Variants in CLPB observed in about 807,000 individuals in gnomAD.
The protein encoded by CLPB is ClpB family mitochondrial disaggregase.
Under a neutral mutation model 78.4 loss-of-function variants are expected in CLPB, and 40 were observed. That is an observed-to-expected ratio of 0.51 (90% CI 0.40 to 0.66). The LOEUF is 0.66. Among genes scored for constraint, CLPB ranks in the 30% least tolerant of loss-of-function variants. The pLI is 0.00. For synonymous variants in CLPB, 333 were observed against 348.0 expected, an observed-to-expected ratio of 0.96 and a Z score of 0.48; for missense variants, 780 against 886.9, an observed-to-expected ratio of 0.88 and a Z score of 1.53.
chr11:72,356,591 G>C lies in CLPB; in HGVS notation c.775+2289C>G, dbSNP rs75625073. Among the ~76,000 whole-genome samples, 371 of 152,294 alleles carry C rather than the reference G, an allele frequency of 2.4e-3. 3 individuals carry two copies. The highest frequency in any genetic ancestry group is 8.7e-3 in the African/African-American group (363 of 41,550). Reference sequence around the variant, plus strand: ...TTTGGCCCTTGAGGCTGGGAGGCTAGGGCAAGGGGTGTAAATGTATGCTGG... The same window carrying C: ...TTTGGCCCTTGAGGCTGGGAGGCTACGGCAAGGGGTGTAAATGTATGCTGG... On this transcript the variant is annotated intron_variant, in intron 5 of 15. Transcript: ENST00000538039.
intron 5 of CLPB, among the ~76,000 whole-genome samples, chr11:72,348,395 C>T (rs1017666608): frequency 6.6e-6 from 1 of 152,148 alleles, no homozygotes; most frequent in African/African-American, 2.4e-5. Flanking sequence ...TCCTCCACAC[C>T]CATCTCCCTA....
At chr11:72,398,303 G>C (rs1022231204) in intron 3 of CLPB, among the ~76,000 whole-genome samples, 1 of 152,142 alleles carries the variant, frequency 6.6e-6, no homozygotes. Context: ...CTTCCCCAAG[G>C]GGGTCATGAC....
intron 6 of CLPB, among the ~76,000 whole-genome samples, chr11:72,328,099 C>T (rs1231935349): frequency 6.6e-6 from 1 of 152,144 alleles, no homozygotes; most frequent in Non-Finnish European, 1.5e-5. Flanking sequence ...GGGATTAGTT[C>T]TGGCCAATGA....
At position 72,434,133 on chromosome 11, in the gene CLPB, G is replaced by A; in HGVS notation, c.342C>T (p.Gly114=). The change falls in exon 1 of 16, where the codon GGC becomes GGT. Residue 114 remains glycine, a synonymous_variant. Transcript: ENST00000538039. Reference sequence around the variant, plus strand: ...CCAGCGCTGCGGCCAGGGCGCACATGCCCAGTCCGGCCCTGCTGGGGACCC... The same window carrying A: ...CCAGCGCTGCGGCCAGGGCGCACATACCCAGTCCGGCCCTGCTGGGGACCC... The part of the protein sequence containing the change: ...WNGVPSRAGL[G]MCALAAALVV... 6.2e-7 allele frequency: 1 copy of A among 1,612,348 alleles called. No homozygotes were observed. The highest frequency in any genetic ancestry group is 8.5e-7 in the Non-Finnish European group (1 of 1,180,024).
chr11:72,293,701 C>CA, intron 15 of CLPB, 86 bp from the exon 16 acceptor site: 1 of 1,463,820 alleles, frequency 6.8e-7, no homozygotes, highest in Non-Finnish European at 9.2e-7. Flanking sequence ...TAGGGCAACT[C>CA]AGAGACCTCC....
intron 5 of CLPB, chr11:72,354,456 C>T: frequency 2.5e-6 from 1 of 397,486 alleles, no homozygotes; most frequent in Non-Finnish European, 4.4e-6. Context: ...GGTGGGATCA[C>T]ATCCCTGAGA....
rs200680291 is a variant in CLPB at position 72,434,504 on chromosome 11, G to C, written c.-30C>G. ...ACAGCTGCTTCGATAACCCCGTGGT[G>C]CCGGCCCCTGTGCTGACCACGTCCA... On this transcript the variant is annotated 5_prime_UTR_variant, in exon 1 of 16. Coordinates refer to ENST00000538039, the MANE Select transcript of CLPB (RefSeq NM_001258392.3). The C allele has an allele frequency of 6.6e-7, 1 of 1,520,568 alleles. No individual in the cohort carries two copies. Among genetic ancestry groups the C allele is most frequent in the African/African-American group, 1.4e-5 (1 of 72,054 alleles). 94.2% of individuals were successfully genotyped at this position (1,520,568 alleles called of 1,614,324 possible).
At chr11:72,300,315 A>G (rs1468789710) in intron 11 of CLPB, among the ~76,000 whole-genome samples, 1 of 152,214 alleles carries the variant, frequency 6.6e-6, no homozygotes, top group East Asian at 1.9e-4. Flanking sequence ...AATGGCACAC[A>G]AAATGCAAAA....
At chr11:72,330,397 C>A (rs57291879) in intron 5 of CLPB, among the ~76,000 whole-genome samples, 14,151 of 152,192 alleles carry the variant, frequency 0.093, 1,214 homozygotes, top group African/African-American at 0.22. Context: ...CTGGGTATTT[C>A]CTCCAATCAT....
chr11:72,304,171 A>G (rs769915912), intron 9 of CLPB: 9 of 152,266 alleles, frequency 5.9e-5, no homozygotes, highest in Non-Finnish European at 1.3e-4. Flanking sequence ...CTTGGCCGGA[A>G]TCATCATTTT....
intron 5 of CLPB, chr11:72,354,350 G>A (rs1950668147): frequency 2.5e-6 from 1 of 398,042 alleles, no homozygotes; most frequent in South Asian, 1.3e-4. Flanking sequence ...TGTGTACGAT[G>A]GATGCCTTGG....
At chr11:72,334,474 C>A (rs1485827441) in intron 5 of CLPB, among the ~76,000 whole-genome samples, 1 of 152,244 alleles carries the variant, frequency 6.6e-6, no homozygotes, top group Non-Finnish European at 1.5e-5. Flanking sequence ...TACCCCAGCC[C>A]TGCACCCTCG....
At chr11:72,387,999 AT>A (rs1565478785) in intron 3 of CLPB, among the ~76,000 whole-genome samples, 4 of 152,136 alleles carry the variant, frequency 2.6e-5, no homozygotes. Context: ...CTCCAGGTTC[AT>A]GAGTATTGAT....
intron 5 of CLPB, among the ~76,000 whole-genome samples, chr11:72,335,598 G>A (rs1950306140): frequency 3.3e-5 from 5 of 152,248 alleles, no homozygotes; most frequent in African/African-American, 2.4e-5. Flanking sequence ...AGGTTTCCTT[G>A]TTTCCCTTCC....
At chr11:72,334,656 C>T (rs560551753) in intron 5 of CLPB, among the ~76,000 whole-genome samples, 1 of 152,378 alleles carries the variant, frequency 6.6e-6, no homozygotes, top group South Asian at 2.1e-4. Context: ...CCTGGCCTGA[C>T]CTCCCCTTGC....
rs1197007512 is a variant in CLPB at position 72,297,640 on chromosome 11, T to G, written c.1330-1992A>C. Among the ~76,000 whole-genome samples the G allele has an allele frequency of 3.9e-4, 13 of 33,074 alleles. No individual in the cohort carries two copies. The African/African-American group carries it at 4.9e-3, about 12-fold the overall frequency. The allele number at this position is 33,074 out of a possible 152,430, so 21.7% of individuals were successfully genotyped here. ...CAGTTCTAGTTTTGGGGACCAGGTG[T>G]GTGTGTGTGTGTGTGTGTGTGTGTG... On this transcript the variant is annotated intron_variant, in intron 11 of 15. Transcript: ENST00000538039.
chr11:72,412,764 T>C (rs1855915211), intron 2 of CLPB, among the ~76,000 whole-genome samples: 1 of 152,198 alleles, frequency 6.6e-6, no homozygotes, highest in Non-Finnish European at 1.5e-5. Context: ...TTATTACACT[T>C]GTTCTGTTTG....
intron 8 of CLPB, 27 bp downstream of exon 8, chr11:72,308,500 C>T (rs1590773409): frequency 1.2e-6 from 2 of 1,606,608 alleles, no homozygotes; most frequent in African/African-American, 1.3e-5. Flanking sequence ...GCTCTCTGTC[C>T]CCACTGGCTG....
At chr11:72,406,036 A>G (rs1855700201) in intron 2 of CLPB, among the ~76,000 whole-genome samples, 1 of 152,176 alleles carries the variant, frequency 6.6e-6, no homozygotes. Context: ...GCTTCCCACC[A>G]AAGGCAGTGA....
Sources: gnomAD v4.1 joint callset for allele counts (sites outside exome capture counted in the v4.1 genomes callset) on GRCh38, gnomAD v4.1.1 for gene constraint, MANE v1.5 for transcripts, NCBI Gene and HGNC (gene_info 2026-07-23, HGNC 2026-07-21) for gene names.